Variants in MAGI2 observed in about 807,000 individuals in gnomAD.
The protein encoded by MAGI2 is membrane-associated guanylate kinase, WW and PDZ domain-containing protein 2.
Under a neutral mutation model 133.3 loss-of-function variants are expected in MAGI2, and 35 were observed. The ratio of observed to expected loss-of-function variants is 0.26; its 90% CI spans 0.20 to 0.35. The LOEUF is 0.35. Among genes scored for constraint, MAGI2 ranks in the 10% least tolerant of loss-of-function variants. The pLI is 1.00. For missense variants in MAGI2, 1,636 were observed against 1,863.4 expected (o/e 0.88, Z 2.25); for synonymous variants, 729 against 710.6 (o/e 1.03, Z -0.41).
intron 6 of MAGI2, among the ~76,000 whole-genome samples, chr7:78,409,749 T>A (rs1349071147): frequency 2.0e-5 from 3 of 151,948 alleles, no homozygotes. Flanking sequence ...ACACGCAGAT[T>A]TAGGTACATG....
chr7:78,976,611 T>C (rs1031363533), intron 2 of MAGI2, among the ~76,000 whole-genome samples: 3 of 150,286 alleles, frequency 2.0e-5, no homozygotes, highest in Non-Finnish European at 4.5e-5. Flanking sequence ...AGTGAAAAGA[T>C]GAGAAAAAGA....
chr7:78,974,617 C>T (rs1804076060), intron 2 of MAGI2, among the ~76,000 whole-genome samples: 1 of 151,692 alleles, frequency 6.6e-6, no homozygotes, highest in South Asian at 2.1e-4. Flanking sequence ...TCATTTTTAG[C>T]ACATTGGAAA....
At chr7:78,649,502 A>T (rs1322829776) in intron 2 of MAGI2, among the ~76,000 whole-genome samples, 1 of 152,154 alleles carries the variant, frequency 6.6e-6, no homozygotes, top group Non-Finnish European at 1.5e-5. Flanking sequence ...TTCAGATCCA[A>T]ATCTTATGAA....
Position 79,028,312 on chromosome 7 carries a change from T to TAC in MAGI2, c.302-21108_302-21107dup, listed in dbSNP as rs1218669302. On this transcript the variant is annotated intron_variant, in intron 1 of 21. Coordinates refer to ENST00000354212, the MANE Select transcript of MAGI2 (RefSeq NM_012301.4). ...ATATATGTGTGTATATATATATATA[T>TAC]ACACACATATATATACATATATATA... Among the ~76,000 whole-genome samples, 29 of 45,320 alleles carry TAC rather than the reference T, an allele frequency of 6.4e-4. 1 individual carries two copies. The highest frequency in any genetic ancestry group is 1.9e-3 in the African/African-American group (24 of 12,790). The allele number at this position is 45,320 out of a possible 152,430, so 29.7% of individuals were successfully genotyped here.
chr7:78,927,628 A>C (rs564452973), intron 2 of MAGI2, among the ~76,000 whole-genome samples: 4 of 151,952 alleles, frequency 2.6e-5, no homozygotes, highest in African/African-American at 9.6e-5. Context: ...ATCTATGATT[A>C]AAAAAAACTC....
At chr7:79,291,882 A>T (rs1419968458) in intron 1 of MAGI2, among the ~76,000 whole-genome samples, 1 of 152,092 alleles carries the variant, frequency 6.6e-6, no homozygotes, top group Non-Finnish European at 1.5e-5. Flanking sequence ...CATTTTCTTG[A>T]TGGTGTCCTA....
chr7:78,309,953 T>C lies in MAGI2; in HGVS notation c.1408+33825A>G, dbSNP rs1031579244. 2.0e-4 allele frequency among the ~76,000 whole-genome samples: 31 copies of C among 152,188 alleles called. 1 individual carries two copies. Among genetic ancestry groups the C allele is most frequent in the South Asian group, 2.1e-4 (1 of 4,834 alleles). ...TAATGTAGAGAACAAATGTTAGTTA[T>C]CATTATTATAGTAGTGGTAGCAACA... On this transcript the variant is annotated intron_variant, in intron 9 of 21. Coordinates refer to ENST00000354212, the MANE Select transcript of MAGI2 (RefSeq NM_012301.4).
At chr7:79,209,414 A>G (rs1829318975) in intron 1 of MAGI2, among the ~76,000 whole-genome samples, 1 of 152,074 alleles carries the variant, frequency 6.6e-6, no homozygotes, top group Non-Finnish European at 1.5e-5. Flanking sequence ...AAGCATTTGT[A>G]AGAACTTACA....
chr7:78,209,149 G>GA (rs1384567079), intron 10 of MAGI2, among the ~76,000 whole-genome samples: 1 of 77,590 alleles, frequency 1.3e-5, no homozygotes, highest in Non-Finnish European at 3.0e-5. Context: ...GTGAACCCGG[G>GA]AGGCGGAGCT....
chr7:78,092,142 T>A (rs551214987), intron 20 of MAGI2, among the ~76,000 whole-genome samples: 1 of 152,190 alleles, frequency 6.6e-6, no homozygotes, highest in African/African-American at 2.4e-5. Flanking sequence ...ACAAGGAGTA[T>A]ACCAAGTGAA....
chr7:78,019,288 C>A lies in MAGI2; in HGVS notation c.*27G>T, dbSNP rs755482407. The A allele has an allele frequency of 1.3e-6, 2 of 1,574,200 alleles. No individual in the cohort carries two copies. Among genetic ancestry groups the A allele is most frequent in the Admixed American group, 1.8e-5 (1 of 57,142 alleles). ...CTAAGAAGAACTGCCTGCGCCGGGG[C>A]GGGCGGGTTGGCCGTGGCCGCGCGG... On this transcript the variant is annotated 3_prime_UTR_variant, in exon 22 of 22. Transcript: ENST00000354212.
chr7:78,662,028 A>C (rs535803556), intron 2 of MAGI2, among the ~76,000 whole-genome samples: 1 of 152,252 alleles, frequency 6.6e-6, no homozygotes, highest in South Asian at 2.1e-4. Flanking sequence ...ATCTGCTTAC[A>C]CGGGTCATCA....
chr7:78,526,672 G>A (rs1401006971), intron 3 of MAGI2, among the ~76,000 whole-genome samples: 1 of 151,964 alleles, frequency 6.6e-6, no homozygotes, highest in African/African-American at 2.4e-5. Context: ...CATAAAGGTG[G>A]GGCTATGAAA....
At chr7:78,700,048 C>A (rs1490655824) in intron 2 of MAGI2, among the ~76,000 whole-genome samples, 1 of 152,070 alleles carries the variant, frequency 6.6e-6, no homozygotes, top group Non-Finnish European at 1.5e-5. Flanking sequence ...TTTTATTTAT[C>A]TACTGTGCTA....
intron 6 of MAGI2, among the ~76,000 whole-genome samples, chr7:78,376,279 C>T (rs1456327844): frequency 1.3e-5 from 2 of 152,080 alleles, no homozygotes; most frequent in Non-Finnish European, 2.9e-5. Context: ...AAATGTTGCT[C>T]CTTTATGTTC....
chr7:78,917,148 C>T (rs1584384214), intron 2 of MAGI2, among the ~76,000 whole-genome samples: 2 of 151,978 alleles, frequency 1.3e-5, no homozygotes, highest in African/African-American at 4.8e-5. Context: ...ACTAATACTA[C>T]TTGGTGGCTG....
intron 2 of MAGI2, among the ~76,000 whole-genome samples, chr7:78,763,804 CTG>C (rs1824750871): frequency 6.6e-6 from 1 of 152,186 alleles, no homozygotes; most frequent in Non-Finnish European, 1.5e-5. Flanking sequence ...TAAATGGAAA[CTG>C]TATCAATAAT....
chr7:78,487,575 A>G (rs1793167331), intron 6 of MAGI2, among the ~76,000 whole-genome samples: 1 of 152,068 alleles, frequency 6.6e-6, no homozygotes, highest in Non-Finnish European at 1.5e-5. Context: ...CTGGCCCTTT[A>G]CAGAAAATGT....
intron 20 of MAGI2, among the ~76,000 whole-genome samples, chr7:78,108,746 G>A (rs1818985058): frequency 1.4e-5 from 2 of 140,386 alleles, no homozygotes; most frequent in Admixed American, 7.5e-5. Context: ...ACATATGTGA[G>A]TGTATATACG....
Sources: gnomAD v4.1 joint callset for allele counts (sites outside exome capture counted in the v4.1 genomes callset) on GRCh38, gnomAD v4.1.1 for gene constraint, MANE v1.5 for transcripts, NCBI Gene and HGNC (gene_info 2026-07-23, HGNC 2026-07-21) for gene names.